Variants in CACNG1 observed in about 807,000 individuals in gnomAD.
CACNG1 encodes calcium voltage-gated channel auxiliary subunit gamma 1, also known as voltage-dependent calcium channel gamma-1 subunit.
Under a neutral mutation model 22.0 loss-of-function variants are expected in CACNG1, and 21 were observed. That is an observed-to-expected ratio of 0.95 (90% CI 0.68 to 1.37). The LOEUF (loss-of-function observed/expected upper bound fraction) is 1.37, where lower values mean the gene tolerates loss of function less well. Ranked by LOEUF, CACNG1 falls within the 40% of genes most tolerant of loss-of-function variation. CACNG1 has a pLI of 0.00. For synonymous variants in CACNG1, 127 were observed against 129.2 expected, an observed-to-expected ratio of 0.98 and a Z score of 0.12; for missense variants, 291 against 308.6, an observed-to-expected ratio of 0.94 and a Z score of 0.43.
intron 1 of CACNG1, among the ~76,000 whole-genome samples, chr17:67,051,723 CCT>C (rs927260337): frequency 6.6e-6 from 1 of 152,218 alleles, no homozygotes; most frequent in Non-Finnish European, 1.5e-5. Context: ...GTAGCCTACC[CCT>C]GTGTCTGAGT....
Position 67,044,806 on chromosome 17 carries a change from C to A in CACNG1, c.146C>A (p.Ala49Asp), listed in dbSNP as rs1420847279. The A allele has an allele frequency of 6.2e-7, 1 of 1,613,426 alleles. No homozygotes were observed. Among genetic ancestry groups the A allele is most frequent in the Non-Finnish European group, 8.5e-7 (1 of 1,180,044 alleles). Residue 49 changes from alanine (A) to aspartate (D), a missense_variant, in exon 1 of 4, where the codon GCC becomes GAC. Coordinates refer to ENST00000226021, the MANE Select transcript of CACNG1 (RefSeq NM_000727.4). The surrounding 1 kb of genome is among the most constrained non-coding windows in gnomAD (Gnocchi z 6.9). ...MEHHNTTCEA[A>D]HFGLWRICTK... ...CACCACAACACTACCTGCGAGGCGG[C>A]CCACTTCGGCCTCTGGCGGATTTGT... is the stretch of plus-strand genomic sequence containing the variant.
intron 1 of CACNG1, among the ~76,000 whole-genome samples, chr17:67,052,020 A>G (rs1470873063): frequency 6.6e-6 from 1 of 152,258 alleles, no homozygotes; most frequent in East Asian, 1.9e-4. Context: ...AGAATGAAAC[A>G]GAAACAGAAA....
intron 1 of CACNG1, among the ~76,000 whole-genome samples, chr17:67,049,015 T>C (rs1238336893): frequency 2.6e-5 from 4 of 152,092 alleles, no homozygotes; most frequent in African/African-American, 9.7e-5. Flanking sequence ...AAAAATAATG[T>C]CCAAAAGCTT....
In CACNG1 at chr17:67,056,532, C is replaced by T. The variant is rs2035763452; in HGVS notation, c.*261C>T. On this transcript the variant is annotated 3_prime_UTR_variant, in exon 4 of 4. Transcript: ENST00000226021. The surrounding 1 kb of genome is among the most constrained non-coding windows in gnomAD (Gnocchi z 4.3). Reference sequence around the variant, plus strand: ...GCAGGTGGACAGGTGTTTGCAGGGGCCCAACTTCCCCTGGAGCTCAGAGGT... The same window carrying T: ...GCAGGTGGACAGGTGTTTGCAGGGGTCCAACTTCCCCTGGAGCTCAGAGGT... The T allele has an allele frequency of 1.9e-6, 1 of 536,194 alleles. No homozygotes were observed. The highest frequency in any genetic ancestry group is 1.9e-5 in the African/African-American group (1 of 52,728). 33.2% of individuals were successfully genotyped at this position (536,194 alleles called of 1,614,324 possible).
At position 67,055,002 on chromosome 17, in the gene CACNG1, G is replaced by A; in HGVS notation, c.305-101G>A. On this transcript the variant is annotated intron_variant, in intron 2 of 3. Coordinates refer to ENST00000226021, the MANE Select transcript of CACNG1 (RefSeq NM_000727.4). This position sits in a 1 kb window ranked among gnomAD's most constrained non-coding sequence, Gnocchi z 4.5. ...TGACACACACACAATGACACACACA[G>A]ACACTGACACACACACTGTGGTGCA... The A allele has an allele frequency of 8.1e-7, 1 of 1,231,070 alleles. No homozygotes were observed. Among genetic ancestry groups the A allele is most frequent in the Non-Finnish European group, 1.1e-6 (1 of 885,420 alleles). 76.3% of individuals were successfully genotyped at this position (1,231,070 alleles called of 1,614,324 possible).
In CACNG1 at chr17:67,054,165, C is replaced by A. The variant is rs536189591; in HGVS notation, c.304+95C>A. On this transcript the variant is annotated intron_variant, in intron 2 of 3. Transcript: ENST00000226021. This position sits in a 1 kb window ranked among gnomAD's most constrained non-coding sequence, Gnocchi z 4.6. ...AAGTCATTGGCAAAAGCACTGACTT[C>A]CTCACGCCTGATGAGAAGAAGCCTG... The A allele has an allele frequency of 9.3e-5, 90 of 966,462 alleles. No individual in the cohort carries two copies. The South Asian group carries it at 1.1e-3, about 12-fold the overall frequency. 59.9% of individuals were successfully genotyped at this position (966,462 alleles called of 1,614,324 possible).
Position 67,054,821 on chromosome 17 carries a change from GAC to G in CACNG1, c.305-278_305-277del, listed in dbSNP as rs201680399. On this transcript the variant is annotated intron_variant, in intron 2 of 3. Coordinates refer to ENST00000226021, the MANE Select transcript of CACNG1 (RefSeq NM_000727.4). This position sits in a 1 kb window ranked among gnomAD's most constrained non-coding sequence, Gnocchi z 4.6. ...ACTGACACACACGTACAATGACACA[GAC>G]ACAGAGACACACACTGACACACACG... is the stretch of plus-strand genomic sequence containing the variant. Among the ~76,000 whole-genome samples the G allele has an allele frequency of 6.0e-5, 9 of 150,040 alleles. No individual in the cohort carries two copies. Among genetic ancestry groups the G allele is most frequent in the Middle Eastern group, 3.5e-3 (1 of 288 alleles).
chr17:67,054,006 T>C lies in CACNG1; in HGVS notation c.240T>C (p.Cys80=). Residue 80 remains cysteine (C), a synonymous_variant, in exon 2 of 4, where the codon TGT becomes TGC. Coordinates refer to ENST00000226021, the MANE Select transcript of CACNG1 (RefSeq NM_000727.4). This position sits in a 1 kb window ranked among gnomAD's most constrained non-coding sequence, Gnocchi z 4.6. ...GPITLPGEKN[C]SYFRHFNPGE... is the part of the protein sequence containing the mutation. ...TCTCCTCCTTTGCAGAGAAGAACTG[T>C]TCCTACTTCAGGCATTTTAACCCCG... 6.2e-7 allele frequency: 1 copy of C among 1,614,004 alleles called. No homozygotes were observed. The highest frequency in any genetic ancestry group is 1.1e-5 in the South Asian group (1 of 91,074).
chr17:67,045,659 A>T (rs971036339), intron 1 of CACNG1, among the ~76,000 whole-genome samples: 2 of 150,840 alleles, frequency 1.3e-5, no homozygotes, highest in African/African-American at 4.9e-5. Flanking sequence ...AGTAGCTGGG[A>T]TTACAGGCAT....
Position 67,055,088 on chromosome 17 carries a change from C to G in CACNG1, c.305-15C>G. On this transcript the variant is annotated splice_polypyrimidine_tract_variant and intron_variant, in intron 2 of 3. Coordinates refer to ENST00000226021, the MANE Select transcript of CACNG1 (RefSeq NM_000727.4). The surrounding 1 kb of genome is among the most constrained non-coding windows in gnomAD (Gnocchi z 4.5). ...CATGCTGAGGCCGCATGCTGGGTGT[C>G]CCTTGTGTTTGCAGAGTACAGCATC... 1 of 1,610,786 alleles carries G rather than the reference C, an allele frequency of 6.2e-7. No homozygotes were observed. The highest frequency in any genetic ancestry group is 8.5e-7 in the Non-Finnish European group (1 of 1,177,650).
At position 67,054,852 on chromosome 17, in the gene CACNG1, A is replaced by G. The variant is rs543404472; in HGVS notation, c.305-251A>G. ...GAGACACACACTGACACACACGTACAATGACAGACACAGAGACACACACTG... is the reference window on the plus strand; with the variant it reads ...GAGACACACACTGACACACACGTACGATGACAGACACAGAGACACACACTG... On this transcript the variant is annotated intron_variant, in intron 2 of 3. Coordinates refer to ENST00000226021, the MANE Select transcript of CACNG1 (RefSeq NM_000727.4). This position sits in a 1 kb window ranked among gnomAD's most constrained non-coding sequence, Gnocchi z 4.6. 1.5e-4 allele frequency among the ~76,000 whole-genome samples: 23 copies of G among 151,622 alleles called. No homozygotes were observed. Among genetic ancestry groups the G allele is most frequent in the African/African-American group, 5.6e-4 (23 of 41,366 alleles).
intron 1 of CACNG1, 42 bp from the exon 2 acceptor site, chr17:67,053,954 G>T (rs774123413): frequency 6.8e-7 from 1 of 1,473,280 alleles, no homozygotes; most frequent in South Asian, 1.1e-5. Flanking sequence ...TCCTTGCTAC[G>T]GGTTGCTCCC....
At chr17:67,046,437 TC>T (rs1244710130) in intron 1 of CACNG1, among the ~76,000 whole-genome samples, 1 of 151,952 alleles carries the variant, frequency 6.6e-6, no homozygotes, top group Admixed American at 6.6e-5. Flanking sequence ...CCCTCTTCCT[TC>T]CCTCCTGCTT....
chr17:67,056,195 C>A lies in CACNG1; in HGVS notation c.593C>A (p.Ala198Asp). 6.2e-7 allele frequency: 1 copy of A among 1,613,964 alleles called. No individual in the cohort carries two copies. ...AFILLFLGGL[A>D]LLLFSLPRMP... ...ATCCTCCTCTTTCTCGGCGGTCTCG[C>A]CCTCCTGCTGTTCTCCCTGCCTCGA... The change falls in exon 4 of 4, where the codon GCC (alanine) becomes GAC (aspartate). Residue 198 changes from alanine to aspartate, a missense_variant. Transcript: ENST00000226021. The surrounding 1 kb of genome is among the most constrained non-coding windows in gnomAD (Gnocchi z 4.3).
intron 1 of CACNG1, among the ~76,000 whole-genome samples, chr17:67,046,205 G>A (rs973710085): frequency 2.0e-5 from 3 of 152,302 alleles, no homozygotes; most frequent in African/African-American, 4.8e-5. Context: ...TCTCAGCAAC[G>A]TGAGATCCCT....
intron 1 of CACNG1, among the ~76,000 whole-genome samples, chr17:67,048,723 C>T (rs2035711806): frequency 6.6e-6 from 1 of 152,024 alleles, no homozygotes; most frequent in African/African-American, 2.4e-5. Context: ...AATTAAGACA[C>T]AGAAATTATT....
chr17:67,056,386 C>A lies in CACNG1; in HGVS notation c.*115C>A. 1 of 820,008 alleles carries A rather than the reference C, an allele frequency of 1.2e-6. No individual in the cohort carries two copies. Among genetic ancestry groups the A allele is most frequent in the Non-Finnish European group, 1.9e-6 (1 of 515,770 alleles). The allele number at this position is 820,008 out of a possible 1,614,324, so 50.8% of individuals were successfully genotyped here. A position where few individuals can be genotyped will look rare whatever the true frequency, so the allele number is the denominator to read the frequency against. On this transcript the variant is annotated 3_prime_UTR_variant, in exon 4 of 4. Transcript: ENST00000226021. The surrounding 1 kb of genome is among the most constrained non-coding windows in gnomAD (Gnocchi z 4.3). ...TTAGCCCCACCCTGCTCCCATCTGC[C>A]CCCCTGCAACAGTCGCAGGCTGCTT...
chr17:67,045,636 C>T (rs1025299640), intron 1 of CACNG1, among the ~76,000 whole-genome samples: 2 of 151,752 alleles, frequency 1.3e-5, no homozygotes, highest in Non-Finnish European at 2.9e-5. Context: ...GATTCTCCTG[C>T]CTCAGCTTCC....
Position 67,046,742 on chromosome 17 carries a change from G to A in CACNG1, c.229+1853G>A, listed in dbSNP as rs776039593. ...CGTGCTGTTACAGTCCTGTTCACCC[G>A]TCCTTGGAACCATCTGCCTTTTAAA... On this transcript the variant is annotated intron_variant, in intron 1 of 3. Coordinates refer to ENST00000226021, the MANE Select transcript of CACNG1 (RefSeq NM_000727.4). Among the ~76,000 whole-genome samples, 13 of 152,298 alleles carry A rather than the reference G, an allele frequency of 8.5e-5. No homozygotes were observed. In the East Asian group the frequency reaches 1.2e-3, roughly 14 times the overall value.
Sources: gnomAD v4.1 joint callset for allele counts (sites outside exome capture counted in the v4.1 genomes callset) on GRCh38, gnomAD v4.1.1 for gene constraint, Gnocchi (gnomAD v3.1) non-coding constraint, MANE v1.5 for transcripts, NCBI Gene and HGNC (gene_info 2026-07-23, HGNC 2026-07-21) for gene names.